Variants in DYNC2H1 observed in about 807,000 individuals in gnomAD.
DYNC2H1 encodes the protein dynein cytoplasmic 2 heavy chain 1.
DYNC2H1 carries 410 observed loss-of-function variants against 570.0 expected under a neutral mutation model. The observed-to-expected ratio is 0.72, with a 90% CI of 0.66 to 0.78. The LOEUF is 0.78. DYNC2H1 is among the 30% of genes least tolerant of loss of function. DYNC2H1 has a pLI of 0.00. For missense variants in DYNC2H1, 4,865 were observed against 5,046.4 expected (o/e 0.96, Z 1.09); for synonymous variants, 1,688 against 1,677.6 (o/e 1.01, Z -0.15).
At chr11:103,384,502 T>C (rs917451569) in intron 83 of DYNC2H1, among the ~76,000 whole-genome samples, 3 of 152,154 alleles carry the variant, frequency 2.0e-5, no homozygotes, top group Non-Finnish European at 4.4e-5. Context: ...TTATATTTTT[T>C]ATACTTTTTT....
intron 81 of DYNC2H1, among the ~76,000 whole-genome samples, chr11:103,323,479 T>C (rs1198245895): frequency 6.6e-6 from 1 of 151,446 alleles, no homozygotes; most frequent in Non-Finnish European, 1.5e-5. Flanking sequence ...TAAATATATA[T>C]ATATATATAT....
At chr11:103,230,181 A>G (rs367655986) in intron 59 of DYNC2H1, among the ~76,000 whole-genome samples, 3 of 152,040 alleles carry the variant, frequency 2.0e-5, no homozygotes, top group African/African-American at 7.2e-5. Flanking sequence ...TTTGATTCCC[A>G]GTGTTTTGTA....
chr11:103,154,883 A>C, intron 24 of DYNC2H1, 74 bp downstream of exon 24: 1 of 1,060,036 alleles, frequency 9.4e-7, no homozygotes. Context: ...ACTGAACTAT[A>C]TAATTTTACT....
chr11:103,141,256 C>T (rs1053278797), intron 17 of DYNC2H1, among the ~76,000 whole-genome samples: 2 of 152,226 alleles, frequency 1.3e-5, no homozygotes, highest in African/African-American at 4.8e-5. Flanking sequence ...TGAGGAACTG[C>T]ATTCCTTTGG....
At chr11:103,437,165 A>G (rs1944093179) in intron 85 of DYNC2H1, among the ~76,000 whole-genome samples, 1 of 152,118 alleles carries the variant, frequency 6.6e-6, no homozygotes, top group South Asian at 2.1e-4. Flanking sequence ...TACTTCATAG[A>G]GAAAATTCAA....
rs1224976705 is a variant in DYNC2H1 at position 103,120,610 on chromosome 11, C to T, written c.1134+29C>T. The T allele has an allele frequency of 9.4e-6, 15 of 1,599,148 alleles. No homozygotes were observed. The Admixed American group carries it at 1.7e-4, about 18-fold the overall frequency. On this transcript the variant is annotated intron_variant, in intron 7 of 88. Coordinates refer to ENST00000375735, the MANE Select transcript of DYNC2H1 (RefSeq NM_001377.3). ...GTATATATATTTGTTTATGTCTGTACAGTTTCCTGTTTATGTTGTTCTTTT... is the reference window on the plus strand; with the variant it reads ...GTATATATATTTGTTTATGTCTGTATAGTTTCCTGTTTATGTTGTTCTTTT...
intron 84 of DYNC2H1, among the ~76,000 whole-genome samples, chr11:103,419,090 C>T (rs963079553): frequency 1.3e-5 from 2 of 151,714 alleles, no homozygotes; most frequent in East Asian, 3.9e-4. Context: ...ACCCACTGGC[C>T]TGGAATTCTG....
chr11:103,376,083 T>C (rs1941378910), intron 83 of DYNC2H1, among the ~76,000 whole-genome samples: 1 of 152,200 alleles, frequency 6.6e-6, no homozygotes, highest in East Asian at 1.9e-4. Context: ...AGTTCTCATA[T>C]GATCTGATGG....
intron 4 of DYNC2H1, 46 bp downstream of exon 4, chr11:103,115,341 A>G (rs1858332895): frequency 1.5e-6 from 2 of 1,296,076 alleles, no homozygotes; most frequent in African/African-American, 1.5e-5. Flanking sequence ...TTATAAAAGT[A>G]CTTTGGGATT....
rs1433181880 is a variant in DYNC2H1 at position 103,201,186 on chromosome 11, T to C, written c.8197+1032T>C. Among the ~76,000 whole-genome samples, 1 of 152,138 alleles carries C rather than the reference T, an allele frequency of 6.6e-6. No individual in the cohort carries two copies. The highest frequency in any genetic ancestry group is 1.5e-5 in the Non-Finnish European group (1 of 68,026). ...TATTTTTAAGGAAAAAAGGAACTTA[T>C]ATGTACTTTATGCATCTGTATAATA... On this transcript the variant is annotated intron_variant, in intron 50 of 88. Transcript: ENST00000375735. This position sits in a 1 kb window ranked among gnomAD's most constrained non-coding sequence, Gnocchi z 4.8.
chr11:103,300,480 A>G (rs1477958714), intron 75 of DYNC2H1, among the ~76,000 whole-genome samples: 2 of 152,024 alleles, frequency 1.3e-5, no homozygotes, highest in East Asian at 3.9e-4. Flanking sequence ...ATTTGGATTG[A>G]TAAAACCAGT....
rs545550983 is a variant in DYNC2H1, at chr11:103,395,582, C to A, written c.12157-4081C>A. On this transcript the variant is annotated intron_variant, in intron 83 of 88. Coordinates refer to ENST00000375735, the MANE Select transcript of DYNC2H1 (RefSeq NM_001377.3). This position sits in a 1 kb window ranked among gnomAD's most constrained non-coding sequence, Gnocchi z 4.3. ...TTATCACAGAATTATTGCAGCTATT[C>A]TCTAATTTATGATCCCTCAGGTTCA... Among the ~76,000 whole-genome samples, 1 of 152,098 alleles carries A rather than the reference C, an allele frequency of 6.6e-6. No individual in the cohort carries two copies. Among genetic ancestry groups the A allele is most frequent in the South Asian group, 2.1e-4 (1 of 4,808 alleles).
In DYNC2H1 at chr11:103,275,699, AT is replaced by A. The variant is rs1865881951; in HGVS notation, c.10696-4646del. ...TGTTTTTTTCATGGTGTAATATCTCATTTCTTTTTAATGTTGATTAAAATTC... is the reference window on the plus strand; with the variant it reads ...TGTTTTTTTCATGGTGTAATATCTCATTCTTTTTAATGTTGATTAAAATTC... On this transcript the variant is annotated intron_variant, in intron 70 of 88. Coordinates refer to ENST00000375735, the MANE Select transcript of DYNC2H1 (RefSeq NM_001377.3). The surrounding 1 kb of genome is among the most constrained non-coding windows in gnomAD (Gnocchi z 4.8). Among the ~76,000 whole-genome samples the A allele has an allele frequency of 6.6e-6, 1 of 151,838 alleles. No individual in the cohort carries two copies. Among genetic ancestry groups the A allele is most frequent in the African/African-American group, 2.4e-5 (1 of 41,330 alleles).
chr11:103,313,939 G>A (rs1331566715), intron 79 of DYNC2H1, among the ~76,000 whole-genome samples: 1 of 152,110 alleles, frequency 6.6e-6, no homozygotes, highest in African/African-American at 2.4e-5. Flanking sequence ...ACATCTTCCT[G>A]TAAATCTTTT....
In DYNC2H1 at chr11:103,203,619, T is replaced by C. The variant is rs759013293; in HGVS notation, c.8198-44T>C. The C allele has an allele frequency of 3.6e-5, 46 of 1,273,236 alleles. 1 individual carries two copies. The South Asian group carries it at 6.2e-4, about 17-fold the overall frequency. The allele number at this position is 1,273,236 out of a possible 1,614,324, so 78.9% of individuals were successfully genotyped here. A position where few individuals can be genotyped will look rare whatever the true frequency, so the allele number is the denominator to read the frequency against. ...TTTAAATACAAAAATTGAAAAAGCA[T>C]CATTTATTAAAATGTTTTCAATTAG... On this transcript the variant is annotated intron_variant, in intron 50 of 88. Transcript: ENST00000375735. The surrounding 1 kb of genome is among the most constrained non-coding windows in gnomAD (Gnocchi z 4.7).
chr11:103,391,926 T>C (rs1461793079), intron 83 of DYNC2H1, among the ~76,000 whole-genome samples: 1 of 152,216 alleles, frequency 6.6e-6, no homozygotes, highest in Non-Finnish European at 1.5e-5. Flanking sequence ...TGCCTCCCAG[T>C]TAGGCTACTC....
intron 85 of DYNC2H1, among the ~76,000 whole-genome samples, chr11:103,441,215 A>C (rs1016599081): frequency 3.3e-5 from 5 of 151,504 alleles, no homozygotes; most frequent in Admixed American, 1.3e-4. Flanking sequence ...CATGGCCTTT[A>C]CCCTTGCTGC....
rs746195428 is a variant in DYNC2H1 at position 103,192,219 on chromosome 11, G to C, written c.7663G>C (p.Val2555Leu). The change falls in exon 47 of 89, where the codon GTG becomes CTG. Residue 2555 changes from valine (V) to leucine (L), a missense_variant. By Grantham distance (32) the Val-to-Leu change is conservative. Coordinates refer to ENST00000375735, the MANE Select transcript of DYNC2H1 (RefSeq NM_001377.3). Reference sequence around the variant, plus strand: ...TTTATTTGACATCATTTTAACATCAGTGTTTCAAGGAGATTGGGGCTCAGA... The same window carrying C: ...TTTATTTGACATCATTTTAACATCACTGTTTCAAGGAGATTGGGGCTCAGA... ...LHLFDIILTS[V>L]FQGDWGSDIL... 1.3e-6 allele frequency: 2 copies of C among 1,588,050 alleles called. No homozygotes were observed. Among genetic ancestry groups the C allele is most frequent in the Non-Finnish European group, 1.7e-6 (2 of 1,163,816 alleles).
chr11:103,316,972 A>T (rs1460560568), intron 80 of DYNC2H1, among the ~76,000 whole-genome samples: 1 of 152,128 alleles, frequency 6.6e-6, no homozygotes, highest in Non-Finnish European at 1.5e-5. Context: ...GTGGAGTCAT[A>T]ATTGAATTAC....
Sources: allele counts gnomAD v4.1 joint callset (sites outside exome capture counted in the v4.1 genomes callset), GRCh38; gene constraint gnomAD v4.1.1; non-coding constraint Gnocchi (gnomAD v3.1); transcripts MANE v1.5; gene names NCBI Gene and HGNC (gene_info 2026-07-23, HGNC 2026-07-21).